Variants in IFT80 observed in about 807,000 individuals in gnomAD.
IFT80 encodes intraflagellar transport 80, also known as intraflagellar transport protein 80 homolog.
Under a neutral mutation model 107.9 loss-of-function variants are expected in IFT80, and 79 were observed. The observed-to-expected ratio is 0.73, with a 90% CI of 0.61 to 0.88. The LOEUF (loss-of-function observed/expected upper bound fraction) is 0.88, where lower values mean the gene tolerates loss of function less well. Ranked by LOEUF, IFT80 falls within the 40% of genes least tolerant of loss-of-function variation. The pLI is 0.00. For synonymous variants in IFT80, 299 were observed against 300.9 expected (o/e 0.99, Z 0.07); for missense variants, 797 against 914.2 (o/e 0.87, Z 1.65).
At chr3:160,295,567 C>G (rs1319903021) in intron 12 of IFT80, among the ~76,000 whole-genome samples, 1 of 151,918 alleles carries the variant, frequency 6.6e-6, no homozygotes, top group Non-Finnish European at 1.5e-5. Flanking sequence ...CCAGTGCACT[C>G]TAGCCTGGGT....
intron 6 of IFT80, among the ~76,000 whole-genome samples, chr3:160,363,553 C>G (rs566882965): frequency 2.0e-5 from 3 of 152,062 alleles, no homozygotes; most frequent in Non-Finnish European, 4.4e-5. Context: ...CCTGCATTGC[C>G]AAGACAATCC....
intron 19 of IFT80, among the ~76,000 whole-genome samples, chr3:160,263,776 A>G (rs1430512191): frequency 1.3e-5 from 2 of 151,940 alleles, no homozygotes; most frequent in Non-Finnish European, 2.9e-5. Context: ...TCCCAGGTTC[A>G]AGCAATTCTC....
At chr3:160,359,814 C>T (rs985159997) in intron 6 of IFT80, among the ~76,000 whole-genome samples, 1 of 152,146 alleles carries the variant, frequency 6.6e-6, no homozygotes, top group Non-Finnish European at 1.5e-5. Context: ...TCAACATCAA[C>T]AAAAAGGACA....
At chr3:160,360,491 A>G (rs1721414278) in intron 6 of IFT80, among the ~76,000 whole-genome samples, 1 of 152,196 alleles carries the variant, frequency 6.6e-6, no homozygotes, top group Non-Finnish European at 1.5e-5. Flanking sequence ...ATTAAAATTC[A>G]GGAAATACAG....
At chr3:160,282,350 G>T (rs1025886257) in intron 14 of IFT80, 128 bp downstream of exon 14, 25 of 665,794 alleles carry the variant, frequency 3.8e-5, no homozygotes, top group Non-Finnish European at 6.2e-5. Context: ...TTAAAAAAAG[G>T]GTTAAATAGC....
In IFT80 at chr3:160,307,730, C is replaced by T. The variant is rs1226978230; in HGVS notation, c.1009G>A (p.Val337Ile). ...AVDLLEFRDR[V>I]IKASLNYAHL... ...GCATAGTTCAAAGATGCTTTAATGACTCTATCACGGAATTCCAGTAAATCC... is the reference window on the plus strand; with the variant it reads ...GCATAGTTCAAAGATGCTTTAATGATTCTATCACGGAATTCCAGTAAATCC... The change falls in exon 10 of 20, where the codon GTC becomes ATC. Residue 337 changes from valine (V) to isoleucine (I), a missense_variant. Transcript: ENST00000326448. 2 of 1,607,516 alleles carry T rather than the reference C, an allele frequency of 1.2e-6. No individual in the cohort carries two copies. Among genetic ancestry groups the T allele is most frequent in the East Asian group, 2.2e-5 (1 of 44,800 alleles).
At position 160,390,417 on chromosome 3, in the gene IFT80, C is replaced by CAA. The variant is rs1289410578; in HGVS notation, c.-46-5773_-46-5772dup. 1.6e-4 allele frequency among the ~76,000 whole-genome samples: 17 copies of CAA among 108,338 alleles called. No individual in the cohort carries two copies. The South Asian group carries it at 4.7e-3, about 30-fold the overall frequency. The allele number at this position is 108,338 out of a possible 152,430, so 71.1% of individuals were successfully genotyped here. On this transcript the variant is annotated intron_variant, in intron 1 of 19. Coordinates refer to ENST00000326448, the MANE Select transcript of IFT80 (RefSeq NM_020800.3). ...GGGCAACAAGAGTGAAATTCCGTCT[C>CAA]AAAAAAAAAAAAAGAAAAAGAAAAG...
intron 12 of IFT80, among the ~76,000 whole-genome samples, chr3:160,287,347 G>A (rs919197004): frequency 6.6e-6 from 1 of 152,206 alleles, no homozygotes; most frequent in African/African-American, 2.4e-5. Flanking sequence ...TGGGGCTGGG[G>A]GAGCCTTAGA....
intron 8 of IFT80, among the ~76,000 whole-genome samples, chr3:160,337,748 T>G (rs989416429): frequency 6.6e-6 from 1 of 152,250 alleles, no homozygotes; most frequent in Non-Finnish European, 1.5e-5. Context: ...GATGATGTTC[T>G]GATTTTCTTC....
chr3:160,302,032 A>G (rs142273003), intron 11 of IFT80, among the ~76,000 whole-genome samples: 3 of 152,036 alleles, frequency 2.0e-5, no homozygotes, highest in Non-Finnish European at 4.4e-5. Flanking sequence ...AAATTTTTAA[A>G]TATATCTTGT....
intron 16 of IFT80, 22 bp from the exon 17 acceptor site, chr3:160,277,692 A>C: frequency 1.3e-6 from 2 of 1,519,528 alleles, no homozygotes; most frequent in Non-Finnish European, 9.1e-7. Context: ...TATGAGAACA[A>C]TTATCTTAAC....
intron 1 of IFT80, among the ~76,000 whole-genome samples, chr3:160,397,118 G>T (rs571422649): frequency 6.6e-6 from 1 of 152,150 alleles, no homozygotes; most frequent in Non-Finnish European, 1.5e-5. Context: ...GACTTCAAGG[G>T]TTTATACTCT....
rs112954246 is a variant in IFT80 at position 160,301,753 on chromosome 3, T to G, written c.1152-707A>C. ...ATTTTATGGCTGTTATATTTTTCCT[T>G]TGAAAATTTATGAATATTGTACAAA... On this transcript the variant is annotated intron_variant, in intron 11 of 19. Transcript: ENST00000326448. Among the ~76,000 whole-genome samples the G allele has an allele frequency of 1.7e-3, 252 of 152,042 alleles. 1 individual carries two copies. The highest frequency in any genetic ancestry group is 5.6e-3 in the African/African-American group (232 of 41,538).
intron 12 of IFT80, among the ~76,000 whole-genome samples, chr3:160,292,505 A>C (rs994435834): frequency 8.4e-6 from 1 of 118,598 alleles, no homozygotes; most frequent in Non-Finnish European, 1.6e-5. Flanking sequence ...TTTGAGACGG[A>C]GTCTCGCTCT....
chr3:160,311,624 G>GT (rs1386997659), intron 9 of IFT80, among the ~76,000 whole-genome samples: 2 of 152,188 alleles, frequency 1.3e-5, no homozygotes, highest in Non-Finnish European at 2.9e-5. Flanking sequence ...AGGAGCTAGA[G>GT]TTTTTTAGGG....
intron 8 of IFT80, among the ~76,000 whole-genome samples, chr3:160,337,719 A>C (rs1174260311): frequency 1.3e-5 from 2 of 152,072 alleles, no homozygotes; most frequent in African/African-American, 4.8e-5. Flanking sequence ...TCTGACATAA[A>C]ATGTTGCTAT....
At chr3:160,317,562 C>A (rs1553758411) in intron 9 of IFT80, among the ~76,000 whole-genome samples, 1 of 151,728 alleles carries the variant, frequency 6.6e-6, no homozygotes, top group Non-Finnish European at 1.5e-5. Context: ...AATATTATAC[C>A]CCAATTAGTT....
chr3:160,259,544 T>C (rs749004154), intron 19 of IFT80, among the ~76,000 whole-genome samples: 15 of 152,164 alleles, frequency 9.9e-5, no homozygotes, highest in African/African-American at 3.1e-4. Context: ...GAGGAAAAGA[T>C]GTTAGAGAAA....
At chr3:160,309,590 G>A (rs1032234573) in intron 9 of IFT80, among the ~76,000 whole-genome samples, 5 of 152,140 alleles carry the variant, frequency 3.3e-5, no homozygotes, top group African/African-American at 1.2e-4. Context: ...AGGAGGCTGA[G>A]GCAGGAGAAT....
Sources: allele counts gnomAD v4.1 joint callset (sites outside exome capture counted in the v4.1 genomes callset), GRCh38; gene constraint gnomAD v4.1.1; transcripts MANE v1.5; gene names NCBI Gene and HGNC (gene_info 2026-07-23, HGNC 2026-07-21).